CDC42BPA: variants seen among roughly 807,000 people sequenced by gnomAD.
CDC42BPA encodes the protein serine/threonine-protein kinase MRCK alpha.
CDC42BPA carries 80 observed loss-of-function variants against 223.5 expected under a neutral mutation model. The observed-to-expected ratio is 0.36, with a 90% confidence interval of 0.30 to 0.43. The LOEUF (loss-of-function observed/expected upper bound fraction) is 0.43, where lower values mean the gene tolerates loss of function less well. CDC42BPA is among the 20% of genes least tolerant of loss of function. The pLI, the probability that CDC42BPA is intolerant of heterozygous loss-of-function variation, is 1.00. For synonymous variants in CDC42BPA, 694 were observed against 718.6 expected (o/e 0.97, Z 0.55); for missense variants, 1,743 against 2,099.9 (o/e 0.83, Z 3.32).
rs184687041 is a variant in CDC42BPA at position 227,140,168 on chromosome 1, C to T, written c.1224-426G>A. 2.0e-5 allele frequency among the ~76,000 whole-genome samples: 3 copies of T among 152,164 alleles called. No homozygotes were observed. In the East Asian group the frequency reaches 5.8e-4, roughly 29 times the overall value. On this transcript the variant is annotated intron_variant, in intron 9 of 36. Transcript: ENST00000366766. ...GCAAGTTTCTGTCTTTAATTCAATA[C>T]AATTTAAATAAAAATGCTGAAACTG... is the stretch of plus-strand genomic sequence containing the variant.
chr1:227,250,680 T>A (rs1219997720), intron 2 of CDC42BPA, among the ~76,000 whole-genome samples: 6 of 151,990 alleles, frequency 3.9e-5, no homozygotes, highest in Admixed American at 1.3e-4. Flanking sequence ...CAATTTTTTT[T>A]AATTTTAGGA....
chr1:227,260,097 G>A (rs1238699112), intron 1 of CDC42BPA, among the ~76,000 whole-genome samples: 1 of 149,604 alleles, frequency 6.7e-6, no homozygotes, highest in Non-Finnish European at 1.5e-5. Context: ...TACCTAGTAA[G>A]TGGCAAAGAC....
chr1:227,055,794 A>G (rs1301403754), intron 21 of CDC42BPA, among the ~76,000 whole-genome samples: 1 of 151,982 alleles, frequency 6.6e-6, no homozygotes, highest in Non-Finnish European at 1.5e-5. Context: ...TTTGTTAGCT[A>G]ATTTTCTTTT....
intron 1 of CDC42BPA, among the ~76,000 whole-genome samples, chr1:227,259,718 T>TA (rs1683723809): frequency 6.6e-6 from 1 of 150,982 alleles, no homozygotes; most frequent in Non-Finnish European, 1.5e-5. Flanking sequence ...GTCACAGTAC[T>TA]ACTATGACAC....
In CDC42BPA at chr1:227,004,335, C is replaced by T. The variant is rs187101783; in HGVS notation, c.4975+659G>A. On this transcript the variant is annotated intron_variant, in intron 35 of 36. Coordinates refer to ENST00000366766, the MANE Select transcript of CDC42BPA (RefSeq NM_001394014.1). ...CCCTCATTGGTTTCCATTGGGACCA[C>T]TCTAGGAGTCTCCTATCTGGATGCT... 4.5e-5 allele frequency: 7 copies of T among 154,936 alleles called. No individual in the cohort carries two copies. The East Asian group carries it at 1.3e-3, about 30-fold the overall frequency. 9.6% of individuals were successfully genotyped at this position (154,936 alleles called of 1,614,324 possible).
intron 5 of CDC42BPA, among the ~76,000 whole-genome samples, chr1:227,168,479 A>T (rs1665449457): frequency 2.1e-5 from 2 of 93,940 alleles, no homozygotes; most frequent in African/African-American, 4.0e-5. Context: ...GGCCTTTTTC[A>T]TATTTATCTT....
chr1:227,032,317 G>A (rs1669433659), intron 27 of CDC42BPA, among the ~76,000 whole-genome samples: 1 of 152,040 alleles, frequency 6.6e-6, no homozygotes, highest in African/African-American at 2.4e-5. Flanking sequence ...TTGGTGGCTG[G>A]GAGGAAAATA....
chr1:227,073,965 A>G lies in CDC42BPA; in HGVS notation c.2634T>C (p.Ala878=). The change falls in exon 19 of 37, where the codon GCT becomes GCC. Residue 878 remains alanine, a synonymous_variant. Transcript: ENST00000366766. ...CCAGAGCCGACTGCAACTCCAGTCT[A>G]GCTGACATATCCAGTTTCGCAAAAC... is the stretch of plus-strand genomic sequence containing the variant. ...MRRFAKLDMS[A]RLELQSALDA... is the part of the protein sequence containing the mutation. The G allele has an allele frequency of 1.2e-6, 2 of 1,612,718 alleles. No homozygotes were observed. The highest frequency in any genetic ancestry group is 1.7e-6 in the Non-Finnish European group (2 of 1,179,580).
intron 2 of CDC42BPA, among the ~76,000 whole-genome samples, chr1:227,246,167 G>T (rs1371120576): frequency 6.6e-6 from 1 of 152,216 alleles, no homozygotes; most frequent in Non-Finnish European, 1.5e-5. Flanking sequence ...TGGCCTGGCA[G>T]AACTGCTCAT....
intron 2 of CDC42BPA, among the ~76,000 whole-genome samples, chr1:227,220,281 G>GTT (rs1255731082): frequency 0.033 from 1,280 of 38,982 alleles, 19 homozygotes; most frequent in African/African-American, 0.078. Context: ...AAAAAGTCAT[G>GTT]TTATATATAT....
intron 2 of CDC42BPA, among the ~76,000 whole-genome samples, chr1:227,216,240 T>C (rs907133733): frequency 6.6e-6 from 1 of 152,140 alleles, no homozygotes; most frequent in Non-Finnish European, 1.5e-5. Flanking sequence ...ATTTTCTATA[T>C]AAAACACATA....
Position 227,031,308 on chromosome 1 carries a change from G to C in CDC42BPA, c.3765C>G (p.Ala1255=). The change falls in exon 28 of 37, where the codon GCC becomes GCG. Residue 1255 remains alanine, a synonymous_variant. Coordinates refer to ENST00000366766, the MANE Select transcript of CDC42BPA (RefSeq NM_001394014.1). ...GTTATAAATTCATACCTATGATTGC[G>C]GCTGCCTGGGTTGTTTTAATGAGGG... ...TLPLIKTTQA[A]AIIDHERIAL... The C allele has an allele frequency of 1.2e-6, 2 of 1,610,886 alleles. No homozygotes were observed. Among genetic ancestry groups the C allele is most frequent in the Admixed American group, 1.7e-5 (1 of 59,990 alleles).
chr1:227,255,798 AAAG>A (rs763523746), intron 1 of CDC42BPA, among the ~76,000 whole-genome samples: 11 of 152,232 alleles, frequency 7.2e-5, no homozygotes, highest in Non-Finnish European at 1.3e-4. Context: ...GATAAAAATT[AAAG>A]AAGACTTAAA....
intron 5 of CDC42BPA, among the ~76,000 whole-genome samples, chr1:227,171,402 CTT>C (rs1235895745): frequency 6.6e-6 from 1 of 152,192 alleles, no homozygotes; most frequent in African/African-American, 2.4e-5. Context: ...CAGTGGAACA[CTT>C]GAGTCCAGGA....
chr1:227,110,359 C>T (rs1471414183), intron 14 of CDC42BPA, among the ~76,000 whole-genome samples: 1 of 152,068 alleles, frequency 6.6e-6, no homozygotes, highest in Non-Finnish European at 1.5e-5. Context: ...AACTTATTTA[C>T]TAGGTAGGTG....
chr1:227,100,895 G>A, intron 15 of CDC42BPA, 97 bp downstream of exon 15: 3 of 800,488 alleles, frequency 3.7e-6, no homozygotes, highest in Non-Finnish European at 5.8e-6. Context: ...GTCTCCTTTA[G>A]GTCTAGGATA....
intron 1 of CDC42BPA, among the ~76,000 whole-genome samples, chr1:227,284,070 C>T (rs11803664): frequency 0.31 from 46,678 of 151,848 alleles, 7,339 homozygotes; most frequent in East Asian, 0.37. Flanking sequence ...AATATATATA[C>T]TTTTTAATTA....
chr1:227,235,885 C>G (rs1001645962), intron 2 of CDC42BPA, among the ~76,000 whole-genome samples: 5 of 152,062 alleles, frequency 3.3e-5, no homozygotes, highest in African/African-American at 4.8e-5. Flanking sequence ...ATTTAAATTC[C>G]CATATATAAT....
At chr1:227,264,907 T>C in intron 1 of CDC42BPA, 1 of 1,429,780 alleles carries the variant, frequency 7.0e-7, no homozygotes, top group Middle Eastern at 2.2e-4. Context: ...AAACCTCAGA[T>C]ACCAGCTCAA....
Sources: gnomAD v4.1 joint callset for allele counts (sites outside exome capture counted in the v4.1 genomes callset) on GRCh38, gnomAD v4.1.1 for gene constraint, MANE v1.5 for transcripts, NCBI Gene and HGNC (gene_info 2026-07-23, HGNC 2026-07-21) for gene names.